The following ALDH5A1 variants were observed in gnomAD, a reference collection of about 807,000 sequenced individuals.
ALDH5A1 encodes succinate-semialdehyde dehydrogenase, mitochondrial.
In ALDH5A1, 33 loss-of-function variants were observed where a neutral mutation model predicts 54.7. The observed-to-expected ratio is 0.60, with a 90% confidence interval of 0.46 to 0.81. The LOEUF (loss-of-function observed/expected upper bound fraction) is 0.81. Among genes scored for constraint, ALDH5A1 ranks in the 30% least tolerant of loss-of-function variants. ALDH5A1 has a pLI of 0.00. For missense variants in ALDH5A1, 657 were observed against 711.0 expected (o/e 0.92, Z 0.86); for synonymous variants, 294 against 292.7 (o/e 1.00, Z -0.05).
At chr6:24,517,467 T>C (rs566759077) in intron 5 of ALDH5A1, among the ~76,000 whole-genome samples, 1 of 152,322 alleles carries the variant, frequency 6.6e-6, no homozygotes, top group Admixed American at 6.5e-5. Flanking sequence ...GGTCTTACAA[T>C]GCAAACTTAT....
chr6:24,499,668 C>CTTT (rs869265243), intron 1 of ALDH5A1, among the ~76,000 whole-genome samples: 3 of 66,734 alleles, frequency 4.5e-5, no homozygotes, highest in Non-Finnish European at 6.8e-5. Flanking sequence ...AATTTCTTTT[C>CTTT]TTTTTTTTTT....
Position 24,534,030 on chromosome 6 carries a change from C to T in ALDH5A1, c.*318C>T, listed in dbSNP as rs748017937. On this transcript the variant is annotated 3_prime_UTR_variant, in exon 10 of 10. Transcript: ENST00000357578. ...ACAAGGCAGGCCCAGCCCCATGGGC[C>T]GTCACAAAGGCTTGATCACTGCCTG... is the stretch of plus-strand genomic sequence containing the variant. The T allele has an allele frequency of 1.1e-4, 36 of 340,572 alleles. No individual in the cohort carries two copies. The highest frequency in any genetic ancestry group is 1.5e-4 in the Non-Finnish European group (27 of 178,410). The allele number at this position is 340,572 out of a possible 1,614,324, so 21.1% of individuals were successfully genotyped here.
chr6:24,500,901 T>G (rs4646834), intron 1 of ALDH5A1, among the ~76,000 whole-genome samples: 24,321 of 152,056 alleles, frequency 0.16, 2,051 homozygotes, highest in Middle Eastern at 0.2. Context: ...AAAAAATTTT[T>G]TTTTAATTAG....
intron 4 of ALDH5A1, among the ~76,000 whole-genome samples, chr6:24,512,435 C>T (rs1022279662): frequency 1.3e-5 from 2 of 152,186 alleles, no homozygotes; most frequent in Admixed American, 1.3e-4. Context: ...TTTTCACCTT[C>T]GATTTTTCTT....
chr6:24,513,332 TG>T (rs1198340148), intron 4 of ALDH5A1, among the ~76,000 whole-genome samples: 3 of 152,200 alleles, frequency 2.0e-5, no homozygotes, highest in African/African-American at 7.2e-5. Context: ...CCCAAAGTGC[TG>T]GGGTTACAAG....
At position 24,536,418 on chromosome 6, in the gene ALDH5A1, T is replaced by C. The variant is rs1265957379; in HGVS notation, c.*2706T>C. On this transcript the variant is annotated 3_prime_UTR_variant, in exon 10 of 10. Transcript: ENST00000357578. Reference sequence around the variant, plus strand: ...CCACACCCATTCATTTATGGTATTGTCTGGGACTGCTTTCTTGGCAGAGTT... The same window carrying C: ...CCACACCCATTCATTTATGGTATTGCCTGGGACTGCTTTCTTGGCAGAGTT... 1 of 152,222 alleles carries C rather than the reference T, an allele frequency of 6.6e-6. No individual in the cohort carries two copies. The highest frequency in any genetic ancestry group is 1.9e-4 in the East Asian group (1 of 5,204). 9.4% of individuals were successfully genotyped at this position (152,222 alleles called of 1,614,324 possible).
intron 1 of ALDH5A1, among the ~76,000 whole-genome samples, chr6:24,500,496 AATGGTCCAGGC>A (rs1764798409): frequency 6.6e-6 from 1 of 152,140 alleles, no homozygotes; most frequent in Non-Finnish European, 1.5e-5. Context: ...CAGAAAGTAG[AATGGTCCAGGC>A]ATGGTGGCTC....
rs201217389 is a variant in ALDH5A1 at position 24,520,557 on chromosome 6, G to C, written c.1014+13G>C. 68 of 1,613,882 alleles carry C rather than the reference G, an allele frequency of 4.2e-5. No individual in the cohort carries two copies. The Middle Eastern group carries it at 5.0e-4, about 12-fold the overall frequency. On this transcript the variant is annotated intron_variant, in intron 6 of 9. Coordinates refer to ENST00000357578, the MANE Select transcript of ALDH5A1 (RefSeq NM_001080.3). The stretch of plus-strand genomic sequence containing the variant: ...GAACACTGGACAGGTGAGTCCTGGA[G>C]AGTATTTCAGGATGTGTGTTTGCGT...
intron 8 of ALDH5A1, among the ~76,000 whole-genome samples, chr6:24,530,488 C>T (rs1759913282): frequency 6.6e-6 from 1 of 152,204 alleles, no homozygotes; most frequent in Non-Finnish European, 1.5e-5. Flanking sequence ...TCATCTTTAA[C>T]CCCTTGCACC....
intron 5 of ALDH5A1, 118 bp from the exon 6 acceptor site, chr6:24,520,283 C>A: frequency 1.8e-6 from 2 of 1,107,146 alleles, no homozygotes; most frequent in Non-Finnish European, 2.7e-6. Context: ...GCAAAGTTAT[C>A]CCATGTACAC....
chr6:24,511,959 G>T (rs1238216502), intron 4 of ALDH5A1: 6 of 486,252 alleles, frequency 1.2e-5, no homozygotes, highest in South Asian at 9.0e-5. Context: ...ATTGGGGTAG[G>T]CTCTGTCAGA....
chr6:24,514,795 C>A (rs1036620847), intron 4 of ALDH5A1, among the ~76,000 whole-genome samples: 1 of 151,566 alleles, frequency 6.6e-6, no homozygotes, highest in Non-Finnish European at 1.5e-5. Context: ...TTTTTTGAGA[C>A]AGGGTCTTGT....
intron 3 of ALDH5A1, 129 bp downstream of exon 3, chr6:24,503,562 C>A: frequency 8.9e-7 from 1 of 1,117,542 alleles, no homozygotes. Context: ...TTTCCTGATG[C>A]TTTTGCTGGA....
At chr6:24,533,479 C>T (rs1262358393) in intron 9 of ALDH5A1, 28 bp from the exon 10 acceptor site, 2 of 1,609,018 alleles carry the variant, frequency 1.2e-6, no homozygotes, top group Admixed American at 1.7e-5. Context: ...CTTCTAAATG[C>T]CATATATGTC....
rs772998296 is a variant in ALDH5A1, at chr6:24,504,911, G to A, written c.652G>A (p.Ala218Thr). 1.5e-5 allele frequency: 25 copies of A among 1,614,076 alleles called. No homozygotes were observed. Among genetic ancestry groups the A allele is most frequent in the African/African-American group, 1.5e-4 (11 of 74,920 alleles). ...SAMITRKVGA[A>T]LAAGCTVVVK... Reference sequence around the variant, plus strand: ...CATGATCACCCGGAAGGTGGGGGCCGCCCTGGCAGCCGGCTGTACTGTCGT... The same window carrying A: ...CATGATCACCCGGAAGGTGGGGGCCACCCTGGCAGCCGGCTGTACTGTCGT... The change falls in exon 4 of 10, where the codon GCC (alanine) becomes ACC (threonine). Residue 218 changes from alanine to threonine, a missense_variant. Ala to Thr is a moderately conservative substitution (Grantham distance 58). Coordinates refer to ENST00000357578, the MANE Select transcript of ALDH5A1 (RefSeq NM_001080.3).
At chr6:24,503,154 G>A (rs1419962500) in intron 2 of ALDH5A1, 109 bp from the exon 3 acceptor site, 25 of 1,367,610 alleles carry the variant, frequency 1.8e-5, no homozygotes, top group Non-Finnish European at 2.2e-5. Context: ...TATGGGTATC[G>A]TTATAGGAGA....
Position 24,495,030 on chromosome 6 carries a change from GC to G in ALDH5A1, c.37del (p.Arg13GlyfsTer78), listed in dbSNP as rs761736693. Reference sequence around the variant, plus strand: ...CTGCATTTGGCTGCGGAGCTGTGGGGCCCGGCGCCTCGGGTCGACGTTTCCA... The same window carrying G: ...CTGCATTTGGCTGCGGAGCTGTGGGGCCGGCGCCTCGGGTCGACGTTTCCA... The part of the protein sequence containing the change: ...ATCIWLRSCG[A>X]RRLGSTFPGC... On this transcript the variant is annotated frameshift_variant, in exon 1 of 10. Coordinates refer to ENST00000357578, the MANE Select transcript of ALDH5A1 (RefSeq NM_001080.3). LOFTEE classifies it high-confidence loss of function. 6 of 1,347,612 alleles carry G rather than the reference GC, an allele frequency of 4.5e-6. No individual in the cohort carries two copies. The highest frequency in any genetic ancestry group is 5.7e-6 in the Non-Finnish European group (6 of 1,053,028). The allele number at this position is 1,347,612 out of a possible 1,614,324, so 83.5% of individuals were successfully genotyped here.
In ALDH5A1 at chr6:24,534,239, C is replaced by G. The variant is rs949673865; in HGVS notation, c.*527C>G. Reference sequence around the variant, plus strand: ...TGTTGCGGCAGAGGTTTGAGTGAACCCTCTTTCAAAGACAATAAATAGCAC... The same window carrying G: ...TGTTGCGGCAGAGGTTTGAGTGAACGCTCTTTCAAAGACAATAAATAGCAC... On this transcript the variant is annotated 3_prime_UTR_variant, in exon 10 of 10. Coordinates refer to ENST00000357578, the MANE Select transcript of ALDH5A1 (RefSeq NM_001080.3). 6.1e-6 allele frequency: 1 copy of G among 163,422 alleles called. No homozygotes were observed. Among genetic ancestry groups the G allele is most frequent in the African/African-American group, 2.4e-5 (1 of 41,624 alleles). The allele number at this position is 163,422 out of a possible 1,614,324, so 10.1% of individuals were successfully genotyped here.
At chr6:24,522,721 G>A (rs1358863087) in intron 6 of ALDH5A1, 46 bp from the exon 7 acceptor site, 2 of 1,609,718 alleles carry the variant, frequency 1.2e-6, no homozygotes, top group South Asian at 2.2e-5. Flanking sequence ...GGTCAGGTCT[G>A]CAGCTTCTGA....
Sources: allele counts gnomAD v4.1 joint callset (sites outside exome capture counted in the v4.1 genomes callset), GRCh38; gene constraint gnomAD v4.1.1; transcripts MANE v1.5; gene names NCBI Gene and HGNC (gene_info 2026-07-23, HGNC 2026-07-21).